Variants in RGS7 observed in about 807,000 individuals in gnomAD.
RGS7 encodes regulator of G-protein signaling 7.
Under a neutral mutation model 81.1 loss-of-function variants are expected in RGS7, and 27 were observed. The ratio of observed to expected loss-of-function variants is 0.33; its 90% CI spans 0.25 to 0.46. The LOEUF (loss-of-function observed/expected upper bound fraction) is 0.46, where lower values mean the gene tolerates loss of function less well. RGS7 is among the 20% of genes least tolerant of loss of function. The pLI, the probability that RGS7 is intolerant of heterozygous loss-of-function variation, is 1.00. For synonymous variants in RGS7, 208 were observed against 207.7 expected (o/e 1.00, Z -0.01); for missense variants, 396 against 607.4 (o/e 0.65, Z 3.66).
chr1:240,802,902 AC>A lies in RGS7; in HGVS notation c.1359+1del, dbSNP rs762974633. On this transcript the variant is annotated splice_donor_variant, in intron 16 of 18. Transcript: ENST00000440928. LOFTEE classifies it high-confidence loss of function. ...AAAAAACAACTCACAAAAAACCAGT[AC>A]CTTTTTCTTTGCCTGTAGAAGCTCC... 6.3e-7 allele frequency: 1 copy of A among 1,594,910 alleles called. No homozygotes were observed. Among genetic ancestry groups the A allele is most frequent in the Admixed American group, 1.7e-5 (1 of 59,948 alleles).
intron 2 of RGS7, among the ~76,000 whole-genome samples, chr1:241,318,255 A>G (rs1376438485): frequency 1.3e-5 from 2 of 152,236 alleles, no homozygotes; most frequent in African/African-American, 4.8e-5. Flanking sequence ...TTTTAAGATA[A>G]TGGTAAAATT....
At chr1:240,918,957 A>G (rs1673046275) in intron 6 of RGS7, among the ~76,000 whole-genome samples, 3 of 152,056 alleles carry the variant, frequency 2.0e-5, no homozygotes, top group Admixed American at 1.3e-4. Flanking sequence ...ACTCAACCCC[A>G]CAAATTTGAT....
At chr1:240,832,427 T>C (rs186362662) in intron 9 of RGS7, among the ~76,000 whole-genome samples, 111 of 152,314 alleles carry the variant, frequency 7.3e-4, no homozygotes, top group African/African-American at 2.5e-3. Context: ...GGATTTAACA[T>C]TGTGGAAGCC....
At chr1:241,167,037 C>G (rs1328958922) in intron 2 of RGS7, among the ~76,000 whole-genome samples, 2 of 152,190 alleles carry the variant, frequency 1.3e-5, no homozygotes, top group Non-Finnish European at 2.9e-5. Flanking sequence ...GTTTCCTGTG[C>G]CACTGCTCCA....
chr1:241,012,863 C>T (rs1031512939), intron 3 of RGS7, among the ~76,000 whole-genome samples: 7 of 152,088 alleles, frequency 4.6e-5, no homozygotes, highest in African/African-American at 1.7e-4. Context: ...CCACTGGCTA[C>T]TAACTGTTCT....
At chr1:241,273,009 T>C (rs2077996368) in intron 2 of RGS7, among the ~76,000 whole-genome samples, 1 of 152,170 alleles carries the variant, frequency 6.6e-6, no homozygotes, top group Admixed American at 6.5e-5. Context: ...TGTGTGTCTG[T>C]GTGTGTGTAA....
At chr1:241,257,968 T>C (rs1447809620) in intron 2 of RGS7, among the ~76,000 whole-genome samples, 1 of 152,172 alleles carries the variant, frequency 6.6e-6, no homozygotes, top group Non-Finnish European at 1.5e-5. Context: ...ACTCATATAG[T>C]ATAAAGGTAT....
intron 2 of RGS7, among the ~76,000 whole-genome samples, chr1:241,351,050 C>T (rs536194755): frequency 6.6e-6 from 1 of 152,292 alleles, no homozygotes; most frequent in South Asian, 2.1e-4. Context: ...CGTAAGTACT[C>T]TTCCTGGTTG....
chr1:241,082,087 A>C (rs1292665013), intron 3 of RGS7, among the ~76,000 whole-genome samples: 1 of 152,238 alleles, frequency 6.6e-6, no homozygotes, highest in East Asian at 1.9e-4. Flanking sequence ...AGAGTTATTC[A>C]GAAGACAAAG....
intron 4 of RGS7, among the ~76,000 whole-genome samples, chr1:240,956,387 A>AT (rs1680428879): frequency 2.2e-5 from 1 of 45,844 alleles, no homozygotes; most frequent in Non-Finnish European, 5.6e-5. Flanking sequence ...AAACAAAAAA[A>AT]CAAAAAAAAA....
intron 2 of RGS7, among the ~76,000 whole-genome samples, chr1:241,181,992 T>C (rs1235871201): frequency 6.6e-6 from 1 of 152,234 alleles, no homozygotes; most frequent in Non-Finnish European, 1.5e-5. Flanking sequence ...ATTCCTGGCC[T>C]GCTCTCTATC....
intron 18 of RGS7, among the ~76,000 whole-genome samples, chr1:240,785,701 A>G (rs1684948729): frequency 6.6e-6 from 1 of 152,128 alleles, no homozygotes; most frequent in Non-Finnish European, 1.5e-5. Flanking sequence ...TCACACCCTA[A>G]ATGTTAACAG....
At chr1:241,209,882 T>C (rs2074143883) in intron 2 of RGS7, among the ~76,000 whole-genome samples, 1 of 151,880 alleles carries the variant, frequency 6.6e-6, no homozygotes, top group Non-Finnish European at 1.5e-5. Flanking sequence ...TAAAATATAT[T>C]ATTAACTCAT....
chr1:240,908,070 T>C (rs1483128762), intron 6 of RGS7, among the ~76,000 whole-genome samples: 2 of 151,672 alleles, frequency 1.3e-5, no homozygotes, highest in African/African-American at 4.8e-5. Context: ...AACTTTTTCT[T>C]TAGAAAAATG....
intron 4 of RGS7, among the ~76,000 whole-genome samples, chr1:240,938,299 T>C (rs1676980137): frequency 6.6e-6 from 1 of 152,202 alleles, no homozygotes; most frequent in Admixed American, 6.5e-5. Context: ...TAGATTTATT[T>C]ATCTGTTTAT....
chr1:240,824,079 C>T (rs1046646860), intron 10 of RGS7, among the ~76,000 whole-genome samples: 2 of 152,148 alleles, frequency 1.3e-5, no homozygotes, highest in African/African-American at 4.8e-5. Context: ...TGAAAATAGA[C>T]TAATTTTAGA....
chr1:241,097,334 CAG>C (rs2102876617), intron 3 of RGS7, among the ~76,000 whole-genome samples: 1 of 152,096 alleles, frequency 6.6e-6, no homozygotes, highest in South Asian at 2.1e-4. Context: ...GAGGGAGTAA[CAG>C]GGAAAAAAGA....
intron 3 of RGS7, among the ~76,000 whole-genome samples, chr1:241,067,743 G>T (rs966226199): frequency 1.3e-5 from 2 of 151,976 alleles, no homozygotes; most frequent in Non-Finnish European, 2.9e-5. Context: ...TCGAACTCCT[G>T]ACCTCAGGTG....
intron 18 of RGS7, among the ~76,000 whole-genome samples, chr1:240,795,727 G>GTT (rs1287288018): frequency 6.6e-6 from 1 of 152,028 alleles, no homozygotes; most frequent in African/African-American, 2.4e-5. Flanking sequence ...TTAATAAATA[G>GTT]AATCATGTAG....
Sources: gnomAD v4.1 joint callset for allele counts (sites outside exome capture counted in the v4.1 genomes callset) on GRCh38, gnomAD v4.1.1 for gene constraint, MANE v1.5 for transcripts, NCBI Gene and HGNC (gene_info 2026-07-23, HGNC 2026-07-21) for gene names.